MYCBPAP: variants seen among roughly 807,000 people sequenced by gnomAD.
MYCBPAP encodes the protein MYCBP associated protein.
Under a neutral mutation model 106.1 loss-of-function variants are expected in MYCBPAP, and 60 were observed. That is an observed-to-expected ratio of 0.57 (90% CI 0.46 to 0.70). MYCBPAP has a LOEUF of 0.70. MYCBPAP is among the 30% of genes least tolerant of loss of function. The pLI is 0.00. For missense variants in MYCBPAP, 1,064 were observed against 1,169.3 expected (o/e 0.91, Z 1.31); for synonymous variants, 407 against 440.6 (o/e 0.92, Z 0.95).
chr17:50,516,832 C>A lies in MYCBPAP; in HGVS notation c.204+135C>A, dbSNP rs2034071282. 3 of 928,912 alleles carry A rather than the reference C, an allele frequency of 3.2e-6. No homozygotes were observed. In the South Asian group the frequency reaches 5.1e-5, roughly 16 times the overall value. 57.5% of individuals were successfully genotyped at this position (928,912 alleles called of 1,614,324 possible). ...TGGAAAAACCCACTGAACACAGATTCTTTTCACTTTACCACCTTAAGGAAT... is the reference window on the plus strand; with the variant it reads ...TGGAAAAACCCACTGAACACAGATTATTTTCACTTTACCACCTTAAGGAAT... On this transcript the variant is annotated intron_variant, in intron 2 of 18. Coordinates refer to ENST00000323776, the MANE Select transcript of MYCBPAP (RefSeq NM_032133.6).
chr17:50,517,762 A>G, intron 4 of MYCBPAP, 64 bp downstream of exon 4: 2 of 1,374,306 alleles, frequency 1.5e-6, no homozygotes, highest in Non-Finnish European at 2.1e-6. Flanking sequence ...CTCCCACCTG[A>G]CACAGTCAAG....
At chr17:50,528,010 C>T (rs746793178) in intron 15 of MYCBPAP, 145 bp from the exon 16 acceptor site, 79 of 697,228 alleles carry the variant, frequency 1.1e-4, no homozygotes, top group Non-Finnish European at 1.9e-4. Flanking sequence ...TGGCGGGGAA[C>T]AGTGAGGATG....
chr17:50,529,318 G>C, intron 18 of MYCBPAP, 130 bp downstream of exon 18: 1 of 808,034 alleles, frequency 1.2e-6, no homozygotes, highest in South Asian at 1.8e-5. Context: ...GCATCCTCGT[G>C]TGTGAGACAG....
At chr17:50,526,402 T>TTATCTATC (rs1204925081) in intron 14 of MYCBPAP, 135 bp downstream of exon 14, 49 of 552,906 alleles carry the variant, frequency 8.9e-5, no homozygotes, top group African/African-American at 8.8e-4. Flanking sequence ...ATCTCTTGGG[T>TTATCTATC]TATCTATCTA....
chr17:50,510,471 ATATGTGTG>A (rs1331915845), intron 1 of MYCBPAP: 2 of 83,416 alleles, frequency 2.4e-5, no homozygotes, highest in Non-Finnish European at 4.2e-5. Flanking sequence ...ATATGTGTAT[ATATGTGTG>A]TGTGTGTGTG....
intron 8 of MYCBPAP, 26 bp from the exon 9 acceptor site, chr17:50,521,290 A>T: frequency 6.3e-7 from 1 of 1,593,992 alleles, no homozygotes; most frequent in South Asian, 1.1e-5. Context: ...CAGTCAGCTC[A>T]TCTTACCTTT....
Position 50,508,630 on chromosome 17 carries a change from T to C in MYCBPAP, c.-45T>C, listed in dbSNP as rs939296556. ...GGGTGCGGCGCAGCCTCGGTGTCTC[T>C]GGGCCGGCGGTGCAGGGCAACGTTT... On this transcript the variant is annotated 5_prime_UTR_variant, in exon 1 of 19. Transcript: ENST00000323776. 2 of 1,574,824 alleles carry C rather than the reference T, an allele frequency of 1.3e-6. No homozygotes were observed. Among genetic ancestry groups the C allele is most frequent in the Non-Finnish European group, 1.7e-6 (2 of 1,158,338 alleles).
At chr17:50,510,371 G>A (rs2033781794) in intron 1 of MYCBPAP, 1 of 151,454 alleles carries the variant, frequency 6.6e-6, no homozygotes, top group Admixed American at 6.6e-5. Flanking sequence ...GGGCAACACA[G>A]TGAGACCCCC....
rs769273944 is a variant in MYCBPAP, at chr17:50,508,568, C to T, written c.-107C>T. ...TGGATGCGCGCCCCCGCGCGGGGCACCGGTTGCTGTGGACGCAGTGGCGGC... is the reference window on the plus strand; with the variant it reads ...TGGATGCGCGCCCCCGCGCGGGGCATCGGTTGCTGTGGACGCAGTGGCGGC... On this transcript the variant is annotated 5_prime_UTR_variant, in exon 1 of 19. Coordinates refer to ENST00000323776, the MANE Select transcript of MYCBPAP (RefSeq NM_032133.6). 30 of 1,548,236 alleles carry T rather than the reference C, an allele frequency of 1.9e-5. No individual in the cohort carries two copies. The highest frequency in any genetic ancestry group is 2.4e-5 in the Non-Finnish European group (27 of 1,146,302).
intron 1 of MYCBPAP, among the ~76,000 whole-genome samples, chr17:50,513,242 C>T (rs1361022860): frequency 1.8e-5 from 2 of 110,306 alleles, no homozygotes; most frequent in Admixed American, 9.0e-5. Flanking sequence ...AAAAAAAAAG[C>T]TGGGCATGGT....
At chr17:50,516,804 C>A in intron 2 of MYCBPAP, 107 bp downstream of exon 2, 1 of 1,299,412 alleles carries the variant, frequency 7.7e-7, no homozygotes, top group Non-Finnish European at 1.1e-6. Flanking sequence ...GTGTCTAACT[C>A]CATGGAAAAA....
At chr17:50,515,519 C>T (rs922232943) in intron 1 of MYCBPAP, among the ~76,000 whole-genome samples, 2 of 152,204 alleles carry the variant, frequency 1.3e-5, no homozygotes, top group African/African-American at 4.8e-5. Flanking sequence ...TGGATCAGTG[C>T]CAGCACTGGA....
At chr17:50,511,954 C>G (rs532090375) in intron 1 of MYCBPAP, among the ~76,000 whole-genome samples, 1 of 152,078 alleles carries the variant, frequency 6.6e-6, no homozygotes, top group Non-Finnish European at 1.5e-5. Context: ...TCCCCTGAAC[C>G]AAAGATCAGA....
At chr17:50,515,807 G>A (rs1331049231) in intron 1 of MYCBPAP, 3 of 152,206 alleles carry the variant, frequency 2.0e-5, no homozygotes, top group Admixed American at 1.3e-4. Context: ...AAATAGCATA[G>A]CCTGAAATGG....
At chr17:50,512,792 C>T (rs1324916445) in intron 1 of MYCBPAP, among the ~76,000 whole-genome samples, 1 of 152,132 alleles carries the variant, frequency 6.6e-6, no homozygotes. Context: ...ACATATATAT[C>T]CCTGGGCGCA....
At chr17:50,516,476 C>CT in intron 1 of MYCBPAP, 94 bp from the exon 2 acceptor site, 2 of 1,403,464 alleles carry the variant, frequency 1.4e-6, no homozygotes, top group Non-Finnish European at 1.9e-6. Context: ...ACCATGGAGT[C>CT]TAGTATATAT....
intron 18 of MYCBPAP, chr17:50,530,222 G>A (rs1335660645): frequency 4.6e-6 from 2 of 438,356 alleles, no homozygotes; most frequent in Non-Finnish European, 4.5e-6. Flanking sequence ...GACCAGGTGC[G>A]GTGGCTCGTG....
At position 50,526,098 on chromosome 17, in the gene MYCBPAP, A is replaced by C; in HGVS notation, c.2000A>C (p.Glu667Ala). The C allele has an allele frequency of 6.2e-7, 1 of 1,613,914 alleles. No homozygotes were observed. ...CGGCCTGAGAACGAGGCCCTCAGGGAATCCGGGTCCCAGAAGGCCAGAGTG... is the reference window on the plus strand; with the variant it reads ...CGGCCTGAGAACGAGGCCCTCAGGGCATCCGGGTCCCAGAAGGCCAGAGTG... ...VPRPENEALR[E>A]SGSQKARVGT... Residue 667 changes from glutamate to alanine, a missense_variant, in exon 14 of 19, where the codon GAA becomes GCA. Glu to Ala is a moderately radical substitution (Grantham distance 107). Coordinates refer to ENST00000323776, the MANE Select transcript of MYCBPAP (RefSeq NM_032133.6).
At position 50,508,682 on chromosome 17, in the gene MYCBPAP, C is replaced by T. The variant is rs1021887634; in HGVS notation, c.8C>T (p.Ser3Phe). 1.0e-5 allele frequency: 16 copies of T among 1,606,932 alleles called. No individual in the cohort carries two copies. The highest frequency in any genetic ancestry group is 1.4e-5 in the Non-Finnish European group (16 of 1,175,608). Residue 3 changes from serine (S) to phenylalanine (F), a missense_variant, in exon 1 of 19, where the codon TCT becomes TTT. Physicochemically the swap from Ser to Phe is radical, Grantham distance 155. Coordinates refer to ENST00000323776, the MANE Select transcript of MYCBPAP (RefSeq NM_032133.6). MK[S>F]LKKDSRLRIT... ...ATGGTGCCGGGCGGCACCATGAAGT[C>T]TCTAAAGAAGGATTCCCGCCTCAGA...
Sources: allele counts gnomAD v4.1 joint callset (sites outside exome capture counted in the v4.1 genomes callset), GRCh38; gene constraint gnomAD v4.1.1; transcripts MANE v1.5; gene names NCBI Gene and HGNC (gene_info 2026-07-23, HGNC 2026-07-21).